Variants in ADGRL2 observed in about 807,000 individuals in gnomAD.
ADGRL2 encodes calcium-independent alpha-latrotoxin receptor 2.
ADGRL2 carries 44 observed loss-of-function variants against 157.4 expected under a neutral mutation model. The observed-to-expected ratio is 0.28, with a 90% CI of 0.22 to 0.36. ADGRL2 has a LOEUF of 0.36. Ranked by LOEUF, ADGRL2 falls within the 10% of genes least tolerant of loss-of-function variation. The pLI is 1.00. For synonymous variants in ADGRL2, 585 were observed against 624.7 expected (o/e 0.94, Z 0.95); for missense variants, 1,510 against 1,768.9 (o/e 0.85, Z 2.63).
chr1:81,340,899 T>TG (rs1391172898), intron 1 of ADGRL2, among the ~76,000 whole-genome samples: 1 of 151,958 alleles, frequency 6.6e-6, no homozygotes. Flanking sequence ...AAAGGTTTTT[T>TG]TTTTTTTTAA....
rs575742639 is a variant in ADGRL2 at position 81,899,455 on chromosome 1, C to G, written c.74-7562C>G. On this transcript the variant is annotated intron_variant, in intron 2 of 23. Coordinates refer to ENST00000686636, the MANE Select transcript of ADGRL2 (RefSeq NM_001366006.2). ...GGAGGTATTTATTCCGATCAGTAGC[C>G]TAAAGCAGAGAGAGTTATATCTTGA... 2.6e-5 allele frequency among the ~76,000 whole-genome samples: 4 copies of G among 152,204 alleles called. No homozygotes were observed. The East Asian group carries it at 7.7e-4, about 29-fold the overall frequency.
At chr1:81,368,610 A>T (rs1398830609) in intron 1 of ADGRL2, among the ~76,000 whole-genome samples, 1 of 152,208 alleles carries the variant, frequency 6.6e-6, no homozygotes, top group African/African-American at 2.4e-5. Context: ...AGATAAAGCC[A>T]AAACTCCCCA....
At chr1:81,544,998 G>A (rs1015640256) in intron 2 of ADGRL2, among the ~76,000 whole-genome samples, 2 of 152,024 alleles carry the variant, frequency 1.3e-5, no homozygotes, top group Admixed American at 6.5e-5. Flanking sequence ...CTGGGTATAC[G>A]ACAAAGACCC....
At chr1:81,847,883 A>C (rs1399860662) in intron 2 of ADGRL2, among the ~76,000 whole-genome samples, 1 of 151,932 alleles carries the variant, frequency 6.6e-6, no homozygotes, top group Non-Finnish European at 1.5e-5. Context: ...AATTTTTCAA[A>C]GTCAACATAT....
At chr1:81,607,339 A>G (rs576008579) in intron 3 of ADGRL2, among the ~76,000 whole-genome samples, 22 of 152,346 alleles carry the variant, frequency 1.4e-4, no homozygotes, top group South Asian at 6.2e-4. Context: ...AATGAAATAC[A>G]TGTAGTCTCT....
intron 3 of ADGRL2, among the ~76,000 whole-genome samples, chr1:81,912,219 G>C (rs548566251): frequency 6.6e-6 from 1 of 151,648 alleles, no homozygotes; most frequent in Non-Finnish European, 1.5e-5. Flanking sequence ...TTATAGGCGC[G>C]CACCACTGTG....
At chr1:81,331,769 C>T (rs1160733620) in intron 1 of ADGRL2, among the ~76,000 whole-genome samples, 2 of 152,084 alleles carry the variant, frequency 1.3e-5, no homozygotes, top group African/African-American at 2.4e-5. Flanking sequence ...ATATTTTTAA[C>T]AGTTAAAACT....
At chr1:81,906,852 A>G (rs1220227572) in intron 2 of ADGRL2, among the ~76,000 whole-genome samples, 165 bp from the exon 3 acceptor site, 4 of 152,182 alleles carry the variant, frequency 2.6e-5, no homozygotes, top group Non-Finnish European at 5.9e-5. Context: ...ATAAAAAATA[A>G]TTTTCTGACA....
chr1:81,447,539 C>A (rs1241830243), intron 2 of ADGRL2, among the ~76,000 whole-genome samples: 2 of 152,140 alleles, frequency 1.3e-5, no homozygotes, highest in Non-Finnish European at 2.9e-5. Flanking sequence ...GCAGGGATTG[C>A]ATTTTGGGGC....
chr1:81,494,500 A>G (rs1385091101), intron 2 of ADGRL2, among the ~76,000 whole-genome samples: 1 of 152,160 alleles, frequency 6.6e-6, no homozygotes, highest in Non-Finnish European at 1.5e-5. Context: ...TGATGAAGAA[A>G]ATCTTAAAGA....
intron 2 of ADGRL2, among the ~76,000 whole-genome samples, chr1:81,899,317 T>C (rs1253200293): frequency 1.3e-5 from 2 of 152,208 alleles, no homozygotes; most frequent in African/African-American, 2.4e-5. Flanking sequence ...AATTTAATGA[T>C]AGAATTTCAA....
chr1:81,926,941 A>G (rs1279378981), intron 3 of ADGRL2, among the ~76,000 whole-genome samples: 1 of 152,022 alleles, frequency 6.6e-6, no homozygotes, highest in Non-Finnish European at 1.5e-5. Context: ...AAAGGTTTCT[A>G]AAACATAGAA....
intron 3 of ADGRL2, among the ~76,000 whole-genome samples, chr1:81,621,205 GTC>G (rs1022706817): frequency 6.6e-6 from 1 of 152,128 alleles, no homozygotes; most frequent in African/African-American, 2.4e-5. Context: ...TGGGGATAAA[GTC>G]TGTCTTCCTT....
At chr1:81,334,274 C>T (rs932765151) in intron 1 of ADGRL2, among the ~76,000 whole-genome samples, 18 of 152,194 alleles carry the variant, frequency 1.2e-4, no homozygotes, top group African/African-American at 4.1e-4. Context: ...ACGATACTTA[C>T]ATCTTGGCCA....
intron 3 of ADGRL2, among the ~76,000 whole-genome samples, chr1:81,594,251 G>T (rs1294707404): frequency 6.6e-6 from 1 of 152,158 alleles, no homozygotes; most frequent in Non-Finnish European, 1.5e-5. Flanking sequence ...CAACCATGGA[G>T]ATTTGGAAGA....
chr1:81,612,208 C>T (rs2081556548), intron 3 of ADGRL2, among the ~76,000 whole-genome samples: 1 of 152,192 alleles, frequency 6.6e-6, no homozygotes, highest in South Asian at 2.1e-4. Flanking sequence ...ATGCAGCTGG[C>T]CCACACTCTG....
chr1:81,315,874 A>C (rs1240831677), intron 1 of ADGRL2, among the ~76,000 whole-genome samples: 1 of 152,288 alleles, frequency 6.6e-6, no homozygotes, highest in African/African-American at 2.4e-5. Context: ...TGCAGTATAT[A>C]TTTTGTCCAT....
chr1:81,504,397 C>T (rs530037657), intron 2 of ADGRL2, among the ~76,000 whole-genome samples: 4 of 152,274 alleles, frequency 2.6e-5, no homozygotes, highest in African/African-American at 9.6e-5. Context: ...ATGTCAGGTT[C>T]ATTGAAATAC....
chr1:81,363,665 A>G (rs1286995967), intron 1 of ADGRL2, among the ~76,000 whole-genome samples: 1 of 152,168 alleles, frequency 6.6e-6, no homozygotes, highest in Admixed American at 6.5e-5. Flanking sequence ...ATTCATTTAA[A>G]ATAGCATCTC....
Sources: allele counts gnomAD v4.1 joint callset (sites outside exome capture counted in the v4.1 genomes callset), GRCh38; gene constraint gnomAD v4.1.1; transcripts MANE v1.5; gene names NCBI Gene and HGNC (gene_info 2026-07-23, HGNC 2026-07-21).